The following THAP12 variants were observed in gnomAD, a reference collection of about 807,000 sequenced individuals.
THAP12 encodes THAP domain containing 12.
Under a neutral mutation model 63.0 loss-of-function variants are expected in THAP12, and 20 were observed. That is an observed-to-expected ratio of 0.32 (90% CI 0.22 to 0.46). The LOEUF is 0.46. THAP12 is among the 20% of genes least tolerant of loss of function. The pLI, the probability that THAP12 is intolerant of heterozygous loss-of-function variation, is 1.00. For synonymous variants in THAP12, 264 were observed against 328.4 expected, an observed-to-expected ratio of 0.80 and a Z score of 2.12; for missense variants, 568 against 908.2, an observed-to-expected ratio of 0.63 and a Z score of 4.81.
chr11:76,351,494 G>T lies in THAP12; in HGVS notation c.1656C>A (p.Leu552=). ...LATKLDIQMK[L]PGKFRRAHQG... ...GGTGAGCTCTGCGGAATTTCCCAGG[G>T]AGTTTCATTTGAATATCAAGTTTGG... The change falls in exon 5 of 5, where the codon CTC becomes CTA. Residue 552 remains leucine, a synonymous_variant. Transcript: ENST00000260045. The T allele has an allele frequency of 6.4e-7, 1 of 1,560,614 alleles. No homozygotes were observed.
Position 76,351,934 on chromosome 11 carries a change from A to C in THAP12, c.1216T>G (p.Ser406Ala), listed in dbSNP as rs776395105. 21 of 1,597,308 alleles carry C rather than the reference A, an allele frequency of 1.3e-5. No homozygotes were observed. In the Admixed American group the frequency reaches 2.3e-4, roughly 18 times the overall value. ...QLLLELDNVI[S>A]VLFQNSKERG... The stretch of plus-strand genomic sequence containing the variant: ...TCTTTACTGTTCTGAAAAAGAACAG[A>C]AATTACGTTGTCAAGTTCTAAAAGC... Residue 406 changes from serine to alanine, a missense_variant, in exon 5 of 5, where the codon TCT (serine) becomes GCT (alanine). Coordinates refer to ENST00000260045, the MANE Select transcript of THAP12 (RefSeq NM_004705.4).
chr11:76,370,369 G>A (rs201506506), intron 1 of THAP12, among the ~76,000 whole-genome samples: 2 of 150,834 alleles, frequency 1.3e-5, no homozygotes, highest in African/African-American at 4.9e-5. Context: ...GTTTTTTGGG[G>A]TTTTTTTTTG....
chr11:76,354,016 A>T (rs1946544552), intron 4 of THAP12, among the ~76,000 whole-genome samples: 1 of 152,240 alleles, frequency 6.6e-6, no homozygotes, highest in Admixed American at 6.5e-5. Flanking sequence ...CTCAAAAAGA[A>T]AAAAGACTAT....
At chr11:76,370,843 A>AAAAAAAAAAAAAAAAAAAAAAT in intron 1 of THAP12, among the ~76,000 whole-genome samples, 1 of 141,530 alleles carries the variant, frequency 7.1e-6, no homozygotes, top group Non-Finnish European at 1.5e-5. Context: ...AAAAAAAAAA[A>AAAAAAAAAAAAAAAAAAAAAAT]ATATATATAT....
intron 2 of THAP12, among the ~76,000 whole-genome samples, chr11:76,362,319 A>G (rs916519813): frequency 2.6e-4 from 39 of 152,270 alleles, no homozygotes; most frequent in Non-Finnish European, 8.8e-5. Context: ...AACAACTTCT[A>G]AATTTGTTCA....
In THAP12 at chr11:76,351,506, A is replaced by C. The variant is rs771686349; in HGVS notation, c.1644T>G (p.Ile548Met). The C allele has an allele frequency of 6.4e-7, 1 of 1,555,636 alleles. No homozygotes were observed. The highest frequency in any genetic ancestry group is 8.7e-7 in the Non-Finnish European group (1 of 1,151,572). The change falls in exon 5 of 5, where the codon ATT becomes ATG. Residue 548 changes from isoleucine to methionine, a missense_variant. Ile to Met is a conservative substitution (Grantham distance 10). Transcript: ENST00000260045. ...EATNLATKLD[I>M]QMKLPGKFRR... The stretch of plus-strand genomic sequence containing the variant: ...GGAATTTCCCAGGGAGTTTCATTTG[A>C]ATATCAAGTTTGGTTGCCAAATTTG...
chr11:76,376,517 G>C (rs1247137188), intron 1 of THAP12, among the ~76,000 whole-genome samples: 1 of 152,044 alleles, frequency 6.6e-6, no homozygotes, highest in African/African-American at 2.4e-5. Context: ...ATCATTAGAG[G>C]TGTTTTAGCA....
intron 1 of THAP12, among the ~76,000 whole-genome samples, chr11:76,380,381 T>C (rs1250560789): frequency 6.6e-6 from 1 of 152,184 alleles, no homozygotes; most frequent in Non-Finnish European, 1.5e-5. Flanking sequence ...TCCTGCTCTC[T>C]TTTGACAGCT....
At chr11:76,377,537 A>G (rs1263144641) in intron 1 of THAP12, among the ~76,000 whole-genome samples, 2 of 152,230 alleles carry the variant, frequency 1.3e-5, no homozygotes, top group African/African-American at 2.4e-5. Context: ...TTCACTTAGC[A>G]TAATGTTTCT....
rs1426779789 is a variant in THAP12 at position 76,350,324 on chromosome 11, GTTTC to G, written c.*536_*539del. On this transcript the variant is annotated 3_prime_UTR_variant, in exon 5 of 5. Coordinates refer to ENST00000260045, the MANE Select transcript of THAP12 (RefSeq NM_004705.4). ...CTTTTCCATTCAAACTTTGTCATTT[GTTTC>G]TTTAAGTTCAAGAAAGACAAAATCT... 1 of 151,586 alleles carries G rather than the reference GTTTC, an allele frequency of 6.6e-6. No individual in the cohort carries two copies. Among genetic ancestry groups the G allele is most frequent in the Non-Finnish European group, 1.5e-5 (1 of 67,828 alleles). The allele number at this position is 151,586 out of a possible 1,614,324, so 9.4% of individuals were successfully genotyped here.
At chr11:76,365,831 C>T in intron 2 of THAP12, 21 bp downstream of exon 2, 1 of 1,606,354 alleles carries the variant, frequency 6.2e-7, no homozygotes, top group African/African-American at 1.3e-5. Flanking sequence ...CAGAGAGACA[C>T]CAAGCTCTTC....
At chr11:76,361,745 AT>A (rs1213070479) in intron 2 of THAP12, among the ~76,000 whole-genome samples, 1 of 152,198 alleles carries the variant, frequency 6.6e-6, no homozygotes, top group Non-Finnish European at 1.5e-5. Flanking sequence ...CAATCTACTC[AT>A]TTTTTAGTTA....
At chr11:76,368,050 T>A (rs751184992) in intron 1 of THAP12, among the ~76,000 whole-genome samples, 2 of 152,230 alleles carry the variant, frequency 1.3e-5, no homozygotes, top group Non-Finnish European at 2.9e-5. Flanking sequence ...ATAAAATAAT[T>A]TGCCATACTG....
intron 1 of THAP12, among the ~76,000 whole-genome samples, chr11:76,377,279 T>A (rs1482108929): frequency 2.0e-5 from 3 of 152,148 alleles, no homozygotes; most frequent in Non-Finnish European, 4.4e-5. Context: ...AACTAACCAT[T>A]TTAAAGTAAA....
intron 1 of THAP12, among the ~76,000 whole-genome samples, chr11:76,369,069 T>C (rs552234263): frequency 6.6e-6 from 1 of 151,662 alleles, no homozygotes; most frequent in Non-Finnish European, 1.5e-5. Context: ...AACATAAAAA[T>C]AGGCAAGGGG....
chr11:76,380,929 G>A lies in THAP12; in HGVS notation c.-93C>T, dbSNP rs1946754495. 3 of 714,412 alleles carry A rather than the reference G, an allele frequency of 4.2e-6. No individual in the cohort carries two copies. The highest frequency in any genetic ancestry group is 6.7e-5 in the South Asian group (1 of 15,018). 44.3% of individuals were successfully genotyped at this position (714,412 alleles called of 1,614,324 possible). ...CGGGGCCGGGGAGGGGAGCCAGGCCGGCCGGCCGGCTCGGCAGGGCCGACG... is the reference window on the plus strand; with the variant it reads ...CGGGGCCGGGGAGGGGAGCCAGGCCAGCCGGCCGGCTCGGCAGGGCCGACG... On this transcript the variant is annotated 5_prime_UTR_variant, in exon 1 of 5. Coordinates refer to ENST00000260045, the MANE Select transcript of THAP12 (RefSeq NM_004705.4).
rs747441695 is a variant in THAP12 at position 76,350,813 on chromosome 11, G to A, written c.*51C>T. On this transcript the variant is annotated 3_prime_UTR_variant, in exon 5 of 5. Coordinates refer to ENST00000260045, the MANE Select transcript of THAP12 (RefSeq NM_004705.4). ...ATTAAGTGGTCTACATACACCTTAC[G>A]GCTTTTTCTTCCAAATATCAAATAT... The A allele has an allele frequency of 7.5e-6, 11 of 1,476,498 alleles. No individual in the cohort carries two copies. The highest frequency in any genetic ancestry group is 2.4e-5 in the East Asian group (1 of 42,324). The allele number at this position is 1,476,498 out of a possible 1,614,324, so 91.5% of individuals were successfully genotyped here.
intron 1 of THAP12, among the ~76,000 whole-genome samples, chr11:76,373,300 C>T (rs1349395541): frequency 6.9e-6 from 1 of 145,330 alleles, no homozygotes; most frequent in Non-Finnish European, 1.5e-5. Flanking sequence ...GACTGGAGAT[C>T]GTGTCATTGC....
At position 76,350,358 on chromosome 11, in the gene THAP12, T is replaced by G. The variant is rs1318732152; in HGVS notation, c.*506A>C. On this transcript the variant is annotated 3_prime_UTR_variant, in exon 5 of 5. Transcript: ENST00000260045. ...AGTTCAAGAAAGACAAAATCTACACTGAAATCCTTGTTTGGTGAGCTCACA... is the reference window on the plus strand; with the variant it reads ...AGTTCAAGAAAGACAAAATCTACACGGAAATCCTTGTTTGGTGAGCTCACA... The G allele has an allele frequency of 2.0e-5, 3 of 152,446 alleles. No individual in the cohort carries two copies. 9.4% of individuals were successfully genotyped at this position (152,446 alleles called of 1,614,324 possible). A position where few individuals can be genotyped will look rare whatever the true frequency, so the allele number is the denominator to read the frequency against.
Sources: gnomAD v4.1 joint callset for allele counts (sites outside exome capture counted in the v4.1 genomes callset) on GRCh38, gnomAD v4.1.1 for gene constraint, MANE v1.5 for transcripts, NCBI Gene and HGNC (gene_info 2026-07-23, HGNC 2026-07-21) for gene names.